Variants in STK3 observed in about 807,000 individuals in gnomAD.
STK3 encodes serine/threonine-protein kinase 3.
Under a neutral mutation model 58.0 loss-of-function variants are expected in STK3, and 41 were observed. The ratio of observed to expected loss-of-function variants is 0.71; its 90% confidence interval spans 0.55 to 0.92. STK3 has a LOEUF of 0.92. Among genes scored for constraint, STK3 ranks in the 40% least tolerant of loss-of-function variants. STK3 has a pLI of 0.00. For missense variants in STK3, 479 were observed against 602.7 expected (o/e 0.79, Z 2.15); for synonymous variants, 170 against 191.0 (o/e 0.89, Z 0.91).
intron 3 of STK3, among the ~76,000 whole-genome samples, chr8:98,837,121 G>GAGAACTTTT (rs1333850907): frequency 6.6e-6 from 1 of 151,990 alleles, no homozygotes; most frequent in Non-Finnish European, 1.5e-5. Flanking sequence ...GGAGGTACCT[G>GAGAACTTTT]GATCACACTT....
intron 3 of STK3, among the ~76,000 whole-genome samples, chr8:98,871,775 A>G (rs1587781205): frequency 6.6e-6 from 1 of 152,334 alleles, no homozygotes; most frequent in East Asian, 1.9e-4. Context: ...ATATACAATC[A>G]TGTCATCTGC....
At chr8:98,933,076 C>T (rs1278245592) in intron 1 of STK3, among the ~76,000 whole-genome samples, 2 of 152,242 alleles carry the variant, frequency 1.3e-5, no homozygotes, top group Non-Finnish European at 2.9e-5. Flanking sequence ...AATCCTCTAA[C>T]TCCAACACAT....
intron 1 of STK3, among the ~76,000 whole-genome samples, chr8:98,820,440 C>A (rs1185893564): frequency 6.6e-6 from 1 of 152,162 alleles, no homozygotes; most frequent in Non-Finnish European, 1.5e-5. Flanking sequence ...AACACTATAA[C>A]CTATTTGAGG....
chr8:98,641,002 A>G (rs1455747077), intron 6 of STK3, among the ~76,000 whole-genome samples: 1 of 151,268 alleles, frequency 6.6e-6, no homozygotes, highest in African/African-American at 2.4e-5. Context: ...TTTATATAGT[A>G]TAAAAATATA....
At chr8:98,386,631 G>C (rs1303849626) in intron 1 of STK3, among the ~76,000 whole-genome samples, 1 of 152,140 alleles carries the variant, frequency 6.6e-6, no homozygotes, top group Non-Finnish European at 1.5e-5. Flanking sequence ...AAAAGCCAGG[G>C]ATGCAAGCAA....
intron 6 of STK3, among the ~76,000 whole-genome samples, chr8:98,617,585 A>G (rs1315733303): frequency 1.3e-5 from 2 of 152,168 alleles, no homozygotes; most frequent in Non-Finnish European, 2.9e-5. Flanking sequence ...CAAAGAAAAA[A>G]AGAGAGGAAA....
At chr8:98,758,802 G>A (rs34281206) in intron 3 of STK3, among the ~76,000 whole-genome samples, 38,276 of 152,186 alleles carry the variant, frequency 0.25, 5,576 homozygotes, top group East Asian at 0.44. Flanking sequence ...ACTTGCTGCA[G>A]CTTCTATTTC....
intron 3 of STK3, among the ~76,000 whole-genome samples, chr8:98,863,791 G>C (rs892285603): frequency 6.6e-6 from 1 of 152,104 alleles, no homozygotes; most frequent in African/African-American, 2.4e-5. Flanking sequence ...TGATTTTGTT[G>C]TGGGTAGCAA....
chr8:98,619,075 C>T (rs1236131122), intron 6 of STK3, among the ~76,000 whole-genome samples: 1 of 149,998 alleles, frequency 6.7e-6, no homozygotes, highest in Non-Finnish European at 1.5e-5. Context: ...TACTACAAGG[C>T]TACAGTAACC....
Position 98,699,732 on chromosome 8 carries a change from C to T in STK3, c.684+6735G>A, listed in dbSNP as rs564078705. On this transcript the variant is annotated intron_variant, in intron 6 of 10. Transcript: ENST00000419617. ...GATCGTTCCTCTGGAAGTTTTGTCT[C>T]AGAGGAGTACCCGGCCGTGTGAGGT... is the stretch of plus-strand genomic sequence containing the variant. Among the ~76,000 whole-genome samples, 5 of 152,314 alleles carry T rather than the reference C, an allele frequency of 3.3e-5. No individual in the cohort carries two copies. In the South Asian group the frequency reaches 1.0e-3, roughly 32 times the overall value.
intron 3 of STK3, among the ~76,000 whole-genome samples, chr8:98,418,978 G>A (rs1436136497): frequency 1.3e-5 from 2 of 152,234 alleles, no homozygotes; most frequent in South Asian, 2.1e-4. Context: ...GGTGTTGTGT[G>A]CAGCACTGTG....
At chr8:98,436,873 TCAC>T (rs1818510793) in intron 2 of STK3, 1 of 152,168 alleles carries the variant, frequency 6.6e-6, no homozygotes, top group Admixed American at 6.5e-5. Context: ...CTCTGTCTCC[TCAC>T]CTGCACCCAC....
At chr8:98,527,035 G>T (rs1410403081) in intron 9 of STK3, 118 bp from the exon 10 acceptor site, 2 of 668,648 alleles carry the variant, frequency 3.0e-6, no homozygotes, top group Non-Finnish European at 4.4e-6. Context: ...CAGATTCAAG[G>T]CCAACATAAT....
At chr8:98,535,344 A>G (rs972126388) in intron 9 of STK3, among the ~76,000 whole-genome samples, 1 of 152,226 alleles carries the variant, frequency 6.6e-6, no homozygotes, top group Non-Finnish European at 1.5e-5. Context: ...TACAAAAAGC[A>G]TGCATTGTAG....
At chr8:98,781,882 G>A (rs891935009) in intron 1 of STK3, among the ~76,000 whole-genome samples, 4 of 152,068 alleles carry the variant, frequency 2.6e-5, no homozygotes, top group Admixed American at 6.5e-5. Context: ...ACCCAGAAAC[G>A]AGGTGGTGAA....
chr8:98,891,644 A>G (rs1455710522), intron 1 of STK3, among the ~76,000 whole-genome samples: 1 of 151,860 alleles, frequency 6.6e-6, no homozygotes, highest in African/African-American at 2.4e-5. Flanking sequence ...AGAGAGAGAG[A>G]GAGAGATACA....
intron 3 of STK3, among the ~76,000 whole-genome samples, chr8:98,756,282 T>G (rs186966150): frequency 3.0e-4 from 46 of 152,302 alleles, no homozygotes; most frequent in African/African-American, 1.1e-3. Flanking sequence ...GATGCAAAAC[T>G]TAACGAGAAG....
downstream of STK3, among the ~76,000 whole-genome samples, chr8:98,370,758 T>C (rs1210231900): frequency 6.6e-6 from 1 of 152,162 alleles, no homozygotes; most frequent in Middle Eastern, 3.2e-3. Context: ...GCTTGTCTAC[T>C]TAGAGTCACA....
chr8:98,448,364 T>C (rs1186654975), intron 1 of STK3, among the ~76,000 whole-genome samples: 1 of 152,196 alleles, frequency 6.6e-6, no homozygotes, highest in Non-Finnish European at 1.5e-5. Flanking sequence ...GATTCCTCCA[T>C]GTACCTTGTT....
Sources: gnomAD v4.1 joint callset for allele counts (sites outside exome capture counted in the v4.1 genomes callset) on GRCh38, gnomAD v4.1.1 for gene constraint, MANE v1.5 for transcripts, NCBI Gene and HGNC (gene_info 2026-07-23, HGNC 2026-07-21) for gene names.